The following SNX24 variants were observed in gnomAD, a reference collection of about 807,000 sequenced individuals.
SNX24 encodes the protein sorting nexin 24.
Under a neutral mutation model 28.7 loss-of-function variants are expected in SNX24, and 22 were observed. That is an observed-to-expected ratio of 0.77 (90% confidence interval 0.55 to 1.10). The LOEUF (loss-of-function observed/expected upper bound fraction) is 1.10. SNX24 is among the 50% of genes least tolerant of loss of function. The pLI, the probability that SNX24 is intolerant of heterozygous loss-of-function variation, is 0.00. For missense variants in SNX24, 221 were observed against 201.1 expected (o/e 1.10, Z -0.60); for synonymous variants, 69 against 71.5 (o/e 0.96, Z 0.18).
chr5:122,938,775 C>A (rs1293858461), intron 2 of SNX24, among the ~76,000 whole-genome samples: 1 of 39,942 alleles, frequency 2.5e-5, no homozygotes, highest in Non-Finnish European at 3.8e-5. Flanking sequence ...CCCGTCTCTA[C>A]TAAAAATACA....
intron 1 of SNX24, among the ~76,000 whole-genome samples, chr5:122,871,265 T>G (rs962556360): frequency 3.3e-5 from 5 of 152,182 alleles, no homozygotes; most frequent in Non-Finnish European, 7.3e-5. Context: ...CTGGTACTGT[T>G]TAAAAACTCT....
At chr5:122,938,306 A>G (rs1051593572) in intron 2 of SNX24, among the ~76,000 whole-genome samples, 19 of 152,102 alleles carry the variant, frequency 1.2e-4, no homozygotes, top group African/African-American at 4.1e-4. Flanking sequence ...TTAGCTATTC[A>G]TGGTCAAAAA....
chr5:122,923,149 A>G (rs547019659), intron 1 of SNX24, among the ~76,000 whole-genome samples: 1 of 152,094 alleles, frequency 6.6e-6, no homozygotes, highest in South Asian at 2.1e-4. Flanking sequence ...TGGGCAACAA[A>G]TCAAGACCTC....
chr5:122,970,728 A>C (rs903369221), intron 3 of SNX24, among the ~76,000 whole-genome samples: 1 of 152,202 alleles, frequency 6.6e-6, no homozygotes, highest in Non-Finnish European at 1.5e-5. Flanking sequence ...TTGGCCTCCC[A>C]AAGTGCTGGA....
At chr5:122,929,411 C>G (rs574308903) in intron 1 of SNX24, among the ~76,000 whole-genome samples, 3 of 151,974 alleles carry the variant, frequency 2.0e-5, no homozygotes, top group Admixed American at 1.3e-4. Flanking sequence ...GAAAAAGAAG[C>G]ATTTTATATT....
chr5:122,998,953 C>T (rs1479392326), intron 3 of SNX24, among the ~76,000 whole-genome samples: 1 of 151,730 alleles, frequency 6.6e-6, no homozygotes, highest in African/African-American at 2.4e-5. Context: ...CAAAATTTAC[C>T]CATGATAAGT....
chr5:122,856,969 A>T (rs1755222367), intron 1 of SNX24, among the ~76,000 whole-genome samples: 1 of 151,936 alleles, frequency 6.6e-6, no homozygotes, highest in African/African-American at 2.4e-5. Context: ...AGCCATTCTG[A>T]AAGATGTGAG....
At chr5:122,906,368 C>T (rs1757646093) in intron 1 of SNX24, among the ~76,000 whole-genome samples, 1 of 152,164 alleles carries the variant, frequency 6.6e-6, no homozygotes, top group Non-Finnish European at 1.5e-5. Context: ...GTGAGTACAG[C>T]ATAGTGGGTC....
rs986306992 is a variant in SNX24 at position 122,894,752 on chromosome 5, A to G, written c.61-41982A>G. On this transcript the variant is annotated intron_variant, in intron 1 of 6. Transcript: ENST00000261369. Reference sequence around the variant, plus strand: ...GGTTTTAGAAGGAAGAGGGCTAGGAAGAAAAGTGGCGCAGTACCTAGTAGG... The same window carrying G: ...GGTTTTAGAAGGAAGAGGGCTAGGAGGAAAAGTGGCGCAGTACCTAGTAGG... Among the ~76,000 whole-genome samples the G allele has an allele frequency of 2.0e-5, 3 of 152,212 alleles. No homozygotes were observed. The South Asian group carries it at 6.2e-4, about 32-fold the overall frequency.
At chr5:122,956,367 TACACACACACAC>T (rs9327282) in intron 3 of SNX24, among the ~76,000 whole-genome samples, 102,132 of 147,148 alleles carry the variant, frequency 0.69, 35,601 homozygotes, top group East Asian at 0.88. Flanking sequence ...AAAAAATATA[TACACACACACAC>T]ACACACACAC....
chr5:122,865,517 G>A (rs547345247), intron 1 of SNX24, among the ~76,000 whole-genome samples: 1 of 152,092 alleles, frequency 6.6e-6, no homozygotes, highest in Non-Finnish European at 1.5e-5. Flanking sequence ...TTTTAGTAGA[G>A]TAGTAGAGAT....
chr5:122,856,525 CTTT>C (rs1184957460), intron 1 of SNX24, among the ~76,000 whole-genome samples: 5 of 131,524 alleles, frequency 3.8e-5, no homozygotes, highest in Non-Finnish European at 1.6e-5. Context: ...AGTTCTGTGT[CTTT>C]TTTTTTTTTT....
chr5:122,963,849 T>G (rs1760588522), intron 3 of SNX24, among the ~76,000 whole-genome samples: 1 of 152,204 alleles, frequency 6.6e-6, no homozygotes, highest in Admixed American at 6.5e-5. Context: ...TAATAACTTT[T>G]TTGTTATTGT....
At chr5:122,901,616 A>C (rs145431793) in intron 1 of SNX24, among the ~76,000 whole-genome samples, 224 of 152,256 alleles carry the variant, frequency 1.5e-3, no homozygotes, top group Non-Finnish European at 2.5e-3. Context: ...CTCCCATTGA[A>C]GGTTTACTTG....
At chr5:122,847,104 T>G (rs1754674133) in intron 1 of SNX24, among the ~76,000 whole-genome samples, 1 of 152,074 alleles carries the variant, frequency 6.6e-6, no homozygotes, top group African/African-American at 2.4e-5. Flanking sequence ...TCATTTAGGA[T>G]CTGAAGATAA....
intron 1 of SNX24, among the ~76,000 whole-genome samples, chr5:122,882,899 G>C (rs752852637): frequency 6.6e-6 from 1 of 152,042 alleles, no homozygotes. Flanking sequence ...GGACATGGGG[G>C]TGGGAGCATA....
At chr5:122,912,377 C>T (rs1271902824) in intron 1 of SNX24, among the ~76,000 whole-genome samples, 1 of 151,520 alleles carries the variant, frequency 6.6e-6, no homozygotes, top group Non-Finnish European at 1.5e-5. Flanking sequence ...TGGGCTGAGA[C>T]AATGGGGTTT....
intron 3 of SNX24, among the ~76,000 whole-genome samples, chr5:122,984,889 A>G (rs1305908481): frequency 6.6e-6 from 1 of 152,184 alleles, no homozygotes; most frequent in Non-Finnish European, 1.5e-5. Flanking sequence ...TTTTTTCCTT[A>G]TGCATTAAAA....
At chr5:122,933,644 C>G (rs1759055287) in intron 1 of SNX24, among the ~76,000 whole-genome samples, 1 of 152,126 alleles carries the variant, frequency 6.6e-6, no homozygotes, top group Admixed American at 6.5e-5. Context: ...TGCCCAGTTT[C>G]AAGTGGGAGG....
Sources: gnomAD v4.1 joint callset for allele counts (sites outside exome capture counted in the v4.1 genomes callset) on GRCh38, gnomAD v4.1.1 for gene constraint, MANE v1.5 for transcripts, NCBI Gene and HGNC (gene_info 2026-07-23, HGNC 2026-07-21) for gene names.